Variants in MAGI2 observed in about 807,000 individuals in gnomAD.
MAGI2 encodes membrane-associated guanylate kinase, WW and PDZ domain-containing protein 2.
A neutral mutation model predicts 133.3 loss-of-function variants in MAGI2; 35 were observed. The ratio of observed to expected loss-of-function variants is 0.26; its 90% CI spans 0.20 to 0.35. MAGI2 has a LOEUF of 0.35. MAGI2 is among the 10% of genes least tolerant of loss of function. The pLI, the probability that MAGI2 is intolerant of heterozygous loss-of-function variation, is 1.00. For missense variants in MAGI2, 1,636 were observed against 1,863.4 expected, an observed-to-expected ratio of 0.88 and a Z score of 2.25; for synonymous variants, 729 against 710.6, an observed-to-expected ratio of 1.03 and a Z score of -0.41.
intron 1 of MAGI2, among the ~76,000 whole-genome samples, chr7:79,394,928 C>T (rs1022773694): frequency 6.6e-6 from 1 of 152,092 alleles, no homozygotes; most frequent in Non-Finnish European, 1.5e-5. Context: ...CTTTGAAGAA[C>T]AAATGTGCTC....
intron 9 of MAGI2, among the ~76,000 whole-genome samples, chr7:78,260,332 G>A (rs1478930727): frequency 1.3e-5 from 2 of 152,170 alleles, no homozygotes; most frequent in Non-Finnish European, 2.9e-5. Context: ...TCCTCAGACA[G>A]ATTGGGTTTA....
intron 1 of MAGI2, among the ~76,000 whole-genome samples, chr7:79,322,429 A>C (rs946134871): frequency 1.3e-5 from 2 of 152,112 alleles, no homozygotes; most frequent in Admixed American, 1.3e-4. Flanking sequence ...GTCTAGGTCC[A>C]AATGCAACTG....
At chr7:78,297,185 C>T (rs182772923) in intron 9 of MAGI2, among the ~76,000 whole-genome samples, 2 of 152,236 alleles carry the variant, frequency 1.3e-5, no homozygotes, top group East Asian at 3.9e-4. Flanking sequence ...AAAGGGAGGA[C>T]AAAGAGCAAC....
chr7:78,810,042 T>TC (rs1788907497), intron 2 of MAGI2, among the ~76,000 whole-genome samples: 1 of 152,212 alleles, frequency 6.6e-6, no homozygotes. Flanking sequence ...CCTACAGTTT[T>TC]CCAAGAACCA....
intron 1 of MAGI2, among the ~76,000 whole-genome samples, chr7:79,432,878 A>G (rs890575655): frequency 1.3e-5 from 2 of 152,192 alleles, no homozygotes; most frequent in Non-Finnish European, 2.9e-5. Context: ...CAAAGGACAC[A>G]CATGGGGAGA....
chr7:78,092,605 A>G (rs1278466960), intron 20 of MAGI2, among the ~76,000 whole-genome samples: 2 of 152,202 alleles, frequency 1.3e-5, no homozygotes, highest in East Asian at 1.9e-4. Flanking sequence ...TGACATCACT[A>G]TTAATAGGTT....
chr7:78,436,984 G>A (rs1800352231), intron 6 of MAGI2, among the ~76,000 whole-genome samples: 1 of 152,138 alleles, frequency 6.6e-6, no homozygotes, highest in Non-Finnish European at 1.5e-5. Context: ...TACTCTCTAA[G>A]GCTGATCTAT....
chr7:78,267,708 A>T (rs1475615993), intron 9 of MAGI2, among the ~76,000 whole-genome samples: 1 of 152,142 alleles, frequency 6.6e-6, no homozygotes, highest in African/African-American at 2.4e-5. Context: ...TTTATCAGAC[A>T]TCTACTACTT....
intron 1 of MAGI2, among the ~76,000 whole-genome samples, chr7:79,339,708 T>C (rs924947885): frequency 4.6e-5 from 7 of 152,140 alleles, no homozygotes; most frequent in Non-Finnish European, 7.4e-5. Flanking sequence ...TGAGCAGTAT[T>C]TCTTGAGTTG....
chr7:79,328,935 C>T (rs1274499202), intron 1 of MAGI2, among the ~76,000 whole-genome samples: 1 of 152,126 alleles, frequency 6.6e-6, no homozygotes, highest in Non-Finnish European at 1.5e-5. Flanking sequence ...GGTTTAGCAT[C>T]TTTAGCACCA....
intron 2 of MAGI2, among the ~76,000 whole-genome samples, chr7:78,952,097 C>T (rs968898337): frequency 2.6e-5 from 4 of 152,148 alleles, no homozygotes; most frequent in Non-Finnish European, 5.9e-5. Context: ...CCAAACTACC[C>T]TTCCAAATTT....
At chr7:78,928,523 T>A (rs1048391461) in intron 2 of MAGI2, among the ~76,000 whole-genome samples, 1 of 152,052 alleles carries the variant, frequency 6.6e-6, no homozygotes, top group Non-Finnish European at 1.5e-5. Flanking sequence ...TAGAATAAAG[T>A]CACCAGGGAC....
rs201088493 is a variant in MAGI2, at chr7:78,458,638, G to GTTTT, written c.1045+31122_1045+31123insAAAA. On this transcript the variant is annotated intron_variant, in intron 6 of 21. Transcript: ENST00000354212. ...CTTTGCTGCAATCTGTTTTTTGTTA[G>GTTTT]GTTTTTTTTTTTTTGAGACAGAGTC... Among the ~76,000 whole-genome samples the GTTTT allele has an allele frequency of 4.6e-4, 62 of 134,864 alleles. 4 individuals carry two copies. Among genetic ancestry groups the GTTTT allele is most frequent in the South Asian group, 9.8e-4 (4 of 4,084 alleles). 88.5% of individuals were successfully genotyped at this position (134,864 alleles called of 152,430 possible).
chr7:78,703,615 T>C (rs892316534), intron 2 of MAGI2, among the ~76,000 whole-genome samples: 1 of 152,034 alleles, frequency 6.6e-6, no homozygotes, highest in Non-Finnish European at 1.5e-5. Flanking sequence ...CCTATAGATA[T>C]GAATCACAAG....
chr7:79,098,986 A>AT (rs1435227907), intron 1 of MAGI2, among the ~76,000 whole-genome samples: 1 of 152,194 alleles, frequency 6.6e-6, no homozygotes, highest in South Asian at 2.1e-4. Flanking sequence ...AAGAGAACAT[A>AT]TTTTTAAAAA....
chr7:78,745,232 T>C (rs534746201), intron 2 of MAGI2, among the ~76,000 whole-genome samples: 3 of 152,304 alleles, frequency 2.0e-5, no homozygotes, highest in Admixed American at 6.5e-5. Flanking sequence ...AAGTCTCAAC[T>C]GGAATGAAAA....
At chr7:79,381,918 G>C (rs1034668706) in intron 1 of MAGI2, among the ~76,000 whole-genome samples, 1 of 151,664 alleles carries the variant, frequency 6.6e-6, no homozygotes, top group African/African-American at 2.4e-5. Flanking sequence ...AACTGAAATA[G>C]AAATTTTCAT....
At chr7:78,493,576 C>T (rs925468873) in intron 5 of MAGI2, among the ~76,000 whole-genome samples, 3 of 152,046 alleles carry the variant, frequency 2.0e-5, no homozygotes, top group African/African-American at 7.2e-5. Flanking sequence ...GTGCGTGAAA[C>T]TGAAAGAGCC....
chr7:78,381,241 G>C (rs1377543919), intron 6 of MAGI2, among the ~76,000 whole-genome samples: 1 of 152,100 alleles, frequency 6.6e-6, no homozygotes, highest in Non-Finnish European at 1.5e-5. Context: ...CAGCTACTCG[G>C]GAGGCTGAGG....
Sources: allele counts gnomAD v4.1 joint callset (sites outside exome capture counted in the v4.1 genomes callset), GRCh38; gene constraint gnomAD v4.1.1; transcripts MANE v1.5; gene names NCBI Gene and HGNC (gene_info 2026-07-23, HGNC 2026-07-21).